The following GABRG2 variants were observed in gnomAD, a reference collection of about 807,000 sequenced individuals.
The protein encoded by GABRG2 is gamma-aminobutyric acid type A receptor subunit gamma2.
A neutral mutation model predicts 56.4 loss-of-function variants in GABRG2; 16 were observed. The observed-to-expected ratio is 0.28, with a 90% CI of 0.19 to 0.43. The LOEUF (loss-of-function observed/expected upper bound fraction) is 0.43, where lower values mean the gene tolerates loss of function less well. GABRG2 is among the 20% of genes least tolerant of loss of function. The pLI is 1.00. For synonymous variants in GABRG2, 208 were observed against 205.5 expected, an observed-to-expected ratio of 1.01 and a Z score of -0.10; for missense variants, 327 against 582.7, an observed-to-expected ratio of 0.56 and a Z score of 4.52.
chr5:162,085,467 G>A (rs1760000690), intron 1 of GABRG2, among the ~76,000 whole-genome samples: 1 of 151,134 alleles, frequency 6.6e-6, no homozygotes, highest in African/African-American at 2.4e-5. Flanking sequence ...ATCCTACCCA[G>A]CATCCATGGA....
upstream of GABRG2, chr5:162,067,683 T>C: frequency 1.7e-6 from 1 of 599,182 alleles, no homozygotes; most frequent in Non-Finnish European, 3.0e-6. Flanking sequence ...GTGCGTGTCT[T>C]TCCCTCTCCC....
chr5:162,097,306 C>T (rs560524507), intron 3 of GABRG2, among the ~76,000 whole-genome samples: 3 of 152,084 alleles, frequency 2.0e-5, no homozygotes, highest in Admixed American at 6.6e-5. Flanking sequence ...CCACAATGCC[C>T]GGGACAGCCC....
intron 4 of GABRG2, chr5:162,098,104 T>G: frequency 1.9e-6 from 1 of 522,336 alleles, no homozygotes. Context: ...AAAACTATTT[T>G]TTGTCACAAC....
intron 2 of GABRG2, chr5:162,094,758 A>C (rs1443101974): frequency 1.3e-5 from 2 of 152,226 alleles, no homozygotes; most frequent in African/African-American, 4.8e-5. Flanking sequence ...TCAAGGAAAA[A>C]AATAAAGAAA....
At chr5:162,147,573 T>C (rs1430965470) in intron 7 of GABRG2, among the ~76,000 whole-genome samples, 1 of 151,766 alleles carries the variant, frequency 6.6e-6, no homozygotes, top group South Asian at 2.1e-4. Flanking sequence ...ACTATGTTGG[T>C]CAGGCTGGTC....
At chr5:162,073,667 G>T (rs1392710653) in intron 1 of GABRG2, among the ~76,000 whole-genome samples, 2 of 151,796 alleles carry the variant, frequency 1.3e-5, no homozygotes, top group Non-Finnish European at 2.9e-5. Flanking sequence ...CTAGCAACTG[G>T]TTAATTAATG....
At chr5:162,126,847 T>C (rs1170360041) in intron 6 of GABRG2, among the ~76,000 whole-genome samples, 1 of 152,000 alleles carries the variant, frequency 6.6e-6, no homozygotes, top group Non-Finnish European at 1.5e-5. Context: ...GCAAGGCACT[T>C]TGCAATCTGG....
chr5:162,082,356 G>A (rs1380943802), intron 1 of GABRG2, among the ~76,000 whole-genome samples: 1 of 151,630 alleles, frequency 6.6e-6, no homozygotes, highest in Admixed American at 6.6e-5. Context: ...AAGGCTTTTA[G>A]CCTTATTGTG....
Position 162,154,909 on chromosome 5 carries a change from A to T in GABRG2, c.*1541A>T, listed in dbSNP as rs562728260. The T allele has an allele frequency of 6.6e-6, 1 of 152,236 alleles. No individual in the cohort carries two copies. The highest frequency in any genetic ancestry group is 1.9e-4 in the East Asian group (1 of 5,178). 9.4% of individuals were successfully genotyped at this position (152,236 alleles called of 1,614,324 possible). On this transcript the variant is annotated 3_prime_UTR_variant, in exon 10 of 10. Transcript: ENST00000639213. ...AGATTACATTGTAGTTAAACAAAGC[A>T]ATTTCTCCAGACTTAAAACATGATG...
Position 162,153,180 on chromosome 5 carries a change from T to C in GABRG2, c.1240T>C (p.Tyr414His). The change falls in exon 10 of 10, where the codon TAT becomes CAT. Residue 414 changes from tyrosine (Y) to histidine (H), a missense_variant. By Grantham distance (83) the Tyr-to-His change is moderately conservative. Around this residue, in one of 4 missense-constraint regions of GABRG2, gnomAD observed 108 missense variants for 144.2 expected, o/e 0.75. Coordinates refer to ENST00000639213, the MANE Select transcript of GABRG2 (RefSeq NM_198904.4). ...HLQERDEEYGYECLDGKDCAS... is the reference protein window; with the variant it reads ...HLQERDEEYGHECLDGKDCAS... ...TCAAGAGAGAGATGAAGAGTACGGC[T>C]ATGAGTGTCTGGACGGCAAGGACTG... The C allele has an allele frequency of 1.2e-6, 2 of 1,614,034 alleles. No individual in the cohort carries two copies. Among genetic ancestry groups the C allele is most frequent in the Non-Finnish European group, 1.7e-6 (2 of 1,179,978 alleles).
chr5:162,146,620 C>G (rs1295101740), intron 7 of GABRG2, among the ~76,000 whole-genome samples: 1 of 151,170 alleles, frequency 6.6e-6, no homozygotes, highest in Non-Finnish European at 1.5e-5. Context: ...ATTGAACAAA[C>G]ATTTATTGAG....
intron 6 of GABRG2, among the ~76,000 whole-genome samples, chr5:162,131,662 T>A (rs1222364969): frequency 6.6e-6 from 1 of 152,008 alleles, no homozygotes; most frequent in Non-Finnish European, 1.5e-5. Flanking sequence ...ACTAAACTTA[T>A]ATAGAATAAA....
chr5:162,146,769 A>T (rs1764978051), intron 7 of GABRG2, among the ~76,000 whole-genome samples: 1 of 152,240 alleles, frequency 6.6e-6, no homozygotes, highest in South Asian at 2.1e-4. Flanking sequence ...GTATTTATAA[A>T]CATAGTTCCC....
rs555168333 is a variant in GABRG2, at chr5:162,103,597, G to C, written c.632-292G>C. On this transcript the variant is annotated intron_variant, in intron 5 of 9. Transcript: ENST00000639213. Reference sequence around the variant, plus strand: ...TCACTTGGTATGCACTATTCCAGATGATGTAAAGTATGCATATGGCATATA... The same window carrying C: ...TCACTTGGTATGCACTATTCCAGATCATGTAAAGTATGCATATGGCATATA... 381 of 402,614 alleles carry C rather than the reference G, an allele frequency of 9.5e-4. 6 individuals carry two copies. The highest frequency in any genetic ancestry group is 8.4e-3 in the South Asian group (372 of 44,228). The allele number at this position is 402,614 out of a possible 1,614,324, so 24.9% of individuals were successfully genotyped here. A position where few individuals can be genotyped will look rare whatever the true frequency, so the allele number is the denominator to read the frequency against.
At chr5:162,125,782 C>A (rs1004613847) in intron 6 of GABRG2, among the ~76,000 whole-genome samples, 4 of 151,488 alleles carry the variant, frequency 2.6e-5, no homozygotes, top group Admixed American at 6.6e-5. Context: ...GAAGGAGAGA[C>A]CACTGAGGGG....
intron 7 of GABRG2, 121 bp from the exon 8 acceptor site, chr5:162,148,987 C>G (rs1765159611): frequency 1.2e-6 from 1 of 829,082 alleles, no homozygotes; most frequent in Non-Finnish European, 2.1e-6. Context: ...CCACTTATAC[C>G]TCCTTTCCCA....
At chr5:162,151,409 G>A in intron 8 of GABRG2, 1 of 257,678 alleles carries the variant, frequency 3.9e-6, no homozygotes, top group Admixed American at 5.1e-5. Context: ...TTAGAAAATA[G>A]AATCATAGTA....
chr5:162,105,941 T>C (rs1007143652), intron 6 of GABRG2, among the ~76,000 whole-genome samples: 2 of 152,046 alleles, frequency 1.3e-5, no homozygotes, highest in Non-Finnish European at 2.9e-5. Context: ...ATTCCAGCAC[T>C]CTAAAACAGA....
At chr5:162,081,662 C>A (rs1759676497) in intron 1 of GABRG2, among the ~76,000 whole-genome samples, 1 of 151,618 alleles carries the variant, frequency 6.6e-6, no homozygotes, top group African/African-American at 2.4e-5. Flanking sequence ...AAAAGAGGTT[C>A]AACATCATTA....
Sources: gnomAD v4.1 joint callset for allele counts (sites outside exome capture counted in the v4.1 genomes callset) on GRCh38, gnomAD v4.1.1 for gene constraint, gnomAD v4.1.1 regional missense constraint, MANE v1.5 for transcripts, NCBI Gene and HGNC (gene_info 2026-07-23, HGNC 2026-07-21) for gene names.